MARS1: variants seen among roughly 807,000 people sequenced by gnomAD.
MARS1 encodes the protein methionine--tRNA ligase, cytoplasmic.
Under a neutral mutation model 119.5 loss-of-function variants are expected in MARS1, and 80 were observed. The ratio of observed to expected loss-of-function variants is 0.67; its 90% CI spans 0.56 to 0.81. The LOEUF is 0.81. Among genes scored for constraint, MARS1 ranks in the 30% least tolerant of loss-of-function variants. The probability of loss-of-function intolerance (pLI) is 0.00; values close to 1 mark genes in which losing one functional copy is unlikely to be tolerated. For missense variants in MARS1, 945 were observed against 1,116.5 expected, an observed-to-expected ratio of 0.85 and a Z score of 2.19; for synonymous variants, 418 against 433.4, an observed-to-expected ratio of 0.96 and a Z score of 0.44.
At chr12:57,503,970 C>T in intron 10 of MARS1, 1 of 512,592 alleles carries the variant, frequency 2.0e-6, no homozygotes, top group Non-Finnish European at 3.5e-6. Flanking sequence ...TGTACCTAGC[C>T]TATGTTCAGA....
At chr12:57,503,578 C>T (rs2140023152) in intron 10 of MARS1, among the ~76,000 whole-genome samples, 1 of 150,534 alleles carries the variant, frequency 6.6e-6, no homozygotes, top group East Asian at 1.9e-4. Flanking sequence ...ACAGAGTCTG[C>T]TCTGTCAGCA....
intron 7 of MARS1, among the ~76,000 whole-genome samples, chr12:57,497,694 T>C (rs1459635533): frequency 6.6e-6 from 1 of 151,852 alleles, no homozygotes; most frequent in Non-Finnish European, 1.5e-5. Flanking sequence ...TTGTTACGGG[T>C]CGTATCTAGG....
At chr12:57,488,367 T>C (rs1875625446) in intron 1 of MARS1, 168 bp downstream of exon 1, 2 of 724,956 alleles carry the variant, frequency 2.8e-6, no homozygotes, top group African/African-American at 3.5e-5. Flanking sequence ...CAGTCACATC[T>C]TTCACTTCCT....
chr12:57,493,400 A>G (rs1326562872), intron 7 of MARS1, among the ~76,000 whole-genome samples: 1 of 1,428 alleles, frequency 7.0e-4, no homozygotes, highest in Non-Finnish European at 6.2e-3. Flanking sequence ...TATATATAAT[A>G]TATGTTATAT....
At chr12:57,495,038 G>T (rs1365829340) in intron 7 of MARS1, among the ~76,000 whole-genome samples, 1 of 152,146 alleles carries the variant, frequency 6.6e-6, no homozygotes, top group Non-Finnish European at 1.5e-5. Context: ...CCCAGATGGG[G>T]TGGCGGCCGG....
At chr12:57,509,736 T>C (rs1422158797) in intron 11 of MARS1, among the ~76,000 whole-genome samples, 1 of 152,146 alleles carries the variant, frequency 6.6e-6, no homozygotes, top group Non-Finnish European at 1.5e-5. Context: ...AAGTTCACAC[T>C]GACACCTGCA....
In MARS1 at chr12:57,498,021, T is replaced by C. The variant is rs537161; in HGVS notation, c.771-136T>C. On this transcript the variant is annotated intron_variant, in intron 7 of 20. Transcript: ENST00000262027. ...TCGGGAAGCTGTGGTCCTGTGGGTT[T>C]GTGTGCAGAAAGACTTCAAGTGTAC... 0.99 allele frequency: 675,604 copies of C among 679,500 alleles called. 335,954 individuals carry two copies. The highest frequency in any genetic ancestry group is 1 in the South Asian group (59,179 of 59,190). 42.1% of individuals were successfully genotyped at this position (679,500 alleles called of 1,614,324 possible).
At chr12:57,491,401 C>A (rs1253305287) in intron 7 of MARS1, among the ~76,000 whole-genome samples, 1 of 152,186 alleles carries the variant, frequency 6.6e-6, no homozygotes, top group African/African-American at 2.4e-5. Context: ...CACCTTCCAC[C>A]TAAAAATCCA....
intron 19 of MARS1, 124 bp downstream of exon 19, chr12:57,516,115 G>A (rs1260338749): frequency 1.5e-6 from 2 of 1,375,048 alleles, no homozygotes. Context: ...CTCACTTACA[G>A]TTTTTCTTTC....
chr12:57,493,518 A>G lies in MARS1; in HGVS notation c.770+2874A>G, dbSNP rs775729039. Among the ~76,000 whole-genome samples the G allele has an allele frequency of 5.6e-4, 5 of 8,926 alleles. 1 individual carries two copies. The highest frequency in any genetic ancestry group is 1.4e-3 in the Non-Finnish European group (5 of 3,462). 5.9% of individuals were successfully genotyped at this position (8,926 alleles called of 152,430 possible). On this transcript the variant is annotated intron_variant, in intron 7 of 20. Coordinates refer to ENST00000262027, the MANE Select transcript of MARS1 (RefSeq NM_004990.4). ...TATTATAATATATAATATATAATAT[A>G]TAATATATTATAATATATAATATAT...
At chr12:57,488,301 A>G (rs1875615330) in intron 1 of MARS1, 102 bp downstream of exon 1, 4 of 1,033,478 alleles carry the variant, frequency 3.9e-6, no homozygotes, top group Admixed American at 2.2e-5. Flanking sequence ...CTCGCCACAC[A>G]CCCCAATCGA....
chr12:57,498,964 TC>T (rs1876778235), intron 9 of MARS1, among the ~76,000 whole-genome samples: 1 of 152,076 alleles, frequency 6.6e-6, no homozygotes, highest in African/African-American at 2.4e-5. Context: ...AACTCATTCT[TC>T]CTCTGCCTAA....
intron 7 of MARS1, among the ~76,000 whole-genome samples, chr12:57,493,337 A>G (rs1438556350): frequency 2.0e-5 from 2 of 101,682 alleles, no homozygotes; most frequent in African/African-American, 4.1e-5. Flanking sequence ...TATATAATAT[A>G]TGTTATATAA....
intron 1 of MARS1, chr12:57,488,766 T>G: frequency 2.8e-6 from 3 of 1,057,566 alleles, no homozygotes; most frequent in Non-Finnish European, 4.3e-6. Context: ...GCTGCAGCAC[T>G]ATCCCAATAC....
rs1386767973 is a variant in MARS1, at chr12:57,515,000, A to G, written c.2146A>G (p.Asn716Asp). ...TATCCTCACCATATCTCGACATGGC[A>G]ACCAATATATTCAGGTGAATGAGCC... The part of the protein sequence containing the change: ...RSILTISRHG[N>D]QYIQVNEPWK... The change falls in exon 17 of 21, where the codon AAC (asparagine) becomes GAC (aspartate). Residue 716 changes from asparagine to aspartate, a missense_variant. Physicochemically the swap from Asn to Asp is conservative, Grantham distance 23. Transcript: ENST00000262027. 2 of 1,614,054 alleles carry G rather than the reference A, an allele frequency of 1.2e-6. No individual in the cohort carries two copies. The highest frequency in any genetic ancestry group is 1.3e-5 in the African/African-American group (1 of 74,918).
Position 57,512,773 on chromosome 12 carries a change from G to A in MARS1, c.1776G>A (p.Gly592=). The change falls in exon 15 of 21, where the codon GGG becomes GGA. Residue 592 remains glycine (G), a synonymous_variant. Transcript: ENST00000262027. ...IATEYLNYED[G]KFSKSRGVGV... ...CAGAGTACCTGAACTATGAGGATGG[G>A]AAATTCTCTAAGAGCCGCGGTGTGG... is the stretch of plus-strand genomic sequence containing the variant. The A allele has an allele frequency of 6.2e-7, 1 of 1,614,144 alleles. No homozygotes were observed. Among genetic ancestry groups the A allele is most frequent in the Non-Finnish European group, 8.5e-7 (1 of 1,179,980 alleles).
In MARS1 at chr12:57,515,061, A is replaced by G; in HGVS notation, c.2204+3A>G. 6.2e-7 allele frequency: 1 copy of G among 1,614,188 alleles called. No homozygotes were observed. The highest frequency in any genetic ancestry group is 1.7e-5 in the Admixed American group (1 of 60,024). ...ATTAAAGGCAGTGAGGCTGACAGGT[A>G]GGTAAGCGGGGAGGGTTGGCTAAAG... is the stretch of plus-strand genomic sequence containing the variant. On this transcript the variant is annotated splice_donor_region_variant and intron_variant, in intron 17 of 20. Coordinates refer to ENST00000262027, the MANE Select transcript of MARS1 (RefSeq NM_004990.4).
intron 11 of MARS1, among the ~76,000 whole-genome samples, chr12:57,507,721 C>T (rs1180058343): frequency 1.5e-5 from 2 of 133,756 alleles, no homozygotes; most frequent in South Asian, 2.7e-4. Flanking sequence ...CCCCCCACCT[C>T]CCTCCCGGAC....
intron 10 of MARS1, among the ~76,000 whole-genome samples, chr12:57,501,280 C>T (rs1876903789): frequency 6.6e-6 from 1 of 152,242 alleles, no homozygotes; most frequent in Non-Finnish European, 1.5e-5. Flanking sequence ...AGAGAGATGG[C>T]AGGGGCCAGA....
Sources: allele counts gnomAD v4.1 joint callset (sites outside exome capture counted in the v4.1 genomes callset), GRCh38; gene constraint gnomAD v4.1.1; transcripts MANE v1.5; gene names NCBI Gene and HGNC (gene_info 2026-07-23, HGNC 2026-07-21).